The following KIF13B variants were observed in gnomAD, a reference collection of about 807,000 sequenced individuals.
KIF13B encodes kinesin-like protein KIF13B.
KIF13B carries 127 observed loss-of-function variants against 222.0 expected under a neutral mutation model. That is an observed-to-expected ratio of 0.57 (90% CI 0.50 to 0.66). KIF13B has a LOEUF of 0.66. Ranked by LOEUF, KIF13B falls within the 30% of genes least tolerant of loss-of-function variation. KIF13B has a pLI of 0.00. For synonymous variants in KIF13B, 976 were observed against 919.0 expected (o/e 1.06, Z -1.12); for missense variants, 2,173 against 2,379.0 (o/e 0.91, Z 1.80).
chr8:29,190,724 C>A (rs1813140713), intron 4 of KIF13B: 1 of 414,456 alleles, frequency 2.4e-6, no homozygotes, highest in Non-Finnish European at 4.5e-6. Context: ...TGGGACTGAG[C>A]CCTCAGTCTG....
At chr8:29,145,266 A>G (rs377250040) in intron 18 of KIF13B, among the ~76,000 whole-genome samples, 95 of 152,342 alleles carry the variant, frequency 6.2e-4, no homozygotes, top group African/African-American at 1.9e-3. Flanking sequence ...AAATACTAAG[A>G]ATCATATTTG....
chr8:29,222,827 G>A (rs1025747792), intron 2 of KIF13B, among the ~76,000 whole-genome samples: 2 of 152,100 alleles, frequency 1.3e-5, no homozygotes, highest in Admixed American at 1.3e-4. Context: ...AGAAGGGGTT[G>A]AGAAGACAAA....
rs192751250 is a variant in KIF13B, at chr8:29,180,320, G to A, written c.586-82C>T. ...ATCCTGCTATACTACAAAATTCATT[G>A]CAAGTTTTGCTACTTAGTCAACAAC... On this transcript the variant is annotated intron_variant, in intron 7 of 39. Coordinates refer to ENST00000524189, the MANE Select transcript of KIF13B (RefSeq NM_015254.4). The A allele has an allele frequency of 1.3e-4, 187 of 1,395,824 alleles. No homozygotes were observed. In the African/African-American group the frequency reaches 2.4e-3, roughly 18 times the overall value. 86.5% of individuals were successfully genotyped at this position (1,395,824 alleles called of 1,614,324 possible). A position where few individuals can be genotyped will look rare whatever the true frequency, so the allele number is the denominator to read the frequency against.
In KIF13B at chr8:29,140,050, A is replaced by C; in HGVS notation, c.2613+13T>G. ...TTGTATCAACGTAATACTAGGATGA[A>C]GCTGGGACTTACCATGCACACCAGT... On this transcript the variant is annotated intron_variant, in intron 21 of 39. Coordinates refer to ENST00000524189, the MANE Select transcript of KIF13B (RefSeq NM_015254.4). 6.4e-7 allele frequency: 1 copy of C among 1,567,644 alleles called. No homozygotes were observed. The highest frequency in any genetic ancestry group is 8.6e-7 in the Non-Finnish European group (1 of 1,156,814).
chr8:29,080,664 T>C (rs1260983826), intron 37 of KIF13B, among the ~76,000 whole-genome samples: 1 of 152,192 alleles, frequency 6.6e-6, no homozygotes, highest in Non-Finnish European at 1.5e-5. Flanking sequence ...ATTCTAACTT[T>C]TGTGTAAAAA....
intron 2 of KIF13B, among the ~76,000 whole-genome samples, chr8:29,207,468 A>G (rs1160591619): frequency 6.6e-6 from 1 of 152,070 alleles, no homozygotes; most frequent in Non-Finnish European, 1.5e-5. Flanking sequence ...GGTGCCTGAC[A>G]TCATCTGGTG....
chr8:29,239,990 T>G (rs1175237975), intron 2 of KIF13B, among the ~76,000 whole-genome samples: 1 of 147,042 alleles, frequency 6.8e-6, no homozygotes, highest in African/African-American at 2.5e-5. Flanking sequence ...CAAACCTGTA[T>G]GTGTACCCCT....
At chr8:29,244,406 C>T (rs1447091417) in intron 2 of KIF13B, among the ~76,000 whole-genome samples, 1 of 150,912 alleles carries the variant, frequency 6.6e-6, no homozygotes, top group African/African-American at 2.5e-5. Context: ...ATGAATCCTA[C>T]TTTGCACAAA....
intron 19 of KIF13B, among the ~76,000 whole-genome samples, chr8:29,141,332 T>TAA: frequency 7.1e-6 from 1 of 140,896 alleles, no homozygotes; most frequent in Non-Finnish European, 1.6e-5. Context: ...AGACTCCATC[T>TAA]AAAAAAAAAA....
At chr8:29,110,767 G>C (rs1164801889) in intron 32 of KIF13B, 1 of 152,234 alleles carries the variant, frequency 6.6e-6, no homozygotes, top group Non-Finnish European at 1.5e-5. Flanking sequence ...CAGTCAGAAA[G>C]AGGCTTTATT....
rs1191646236 is a variant in KIF13B at position 29,157,424 on chromosome 8, C to T, written c.1405-1568G>A. ...AAAAAAAAAAAAAAAAAATTGTGGC[C>T]AGGTGCGGTGGCTCATACCTGTGAT... On this transcript the variant is annotated intron_variant, in intron 13 of 39. Coordinates refer to ENST00000524189, the MANE Select transcript of KIF13B (RefSeq NM_015254.4). Among the ~76,000 whole-genome samples, 4 of 149,228 alleles carry T rather than the reference C, an allele frequency of 2.7e-5. No homozygotes were observed. In the East Asian group the frequency reaches 5.8e-4, roughly 22 times the overall value.
chr8:29,164,922 A>G (rs113604361), intron 12 of KIF13B, among the ~76,000 whole-genome samples: 8,617 of 150,538 alleles, frequency 0.057, 361 homozygotes, highest in South Asian at 0.079. Flanking sequence ...ATCTCAGTTC[A>G]CTCCAATCTC....
At chr8:29,090,995 G>A (rs773786552) in intron 37 of KIF13B, among the ~76,000 whole-genome samples, 4 of 152,176 alleles carry the variant, frequency 2.6e-5, no homozygotes, top group Admixed American at 2.0e-4. Flanking sequence ...TGGGGTTATA[G>A]GTGTGAGCCA....
chr8:29,076,571 C>T (rs952650701), intron 37 of KIF13B, among the ~76,000 whole-genome samples: 2 of 152,208 alleles, frequency 1.3e-5, no homozygotes, highest in Non-Finnish European at 2.9e-5. Flanking sequence ...TGGACTCCAG[C>T]TGTAGGGAGA....
intron 10 of KIF13B, among the ~76,000 whole-genome samples, chr8:29,174,552 T>C (rs189845048): frequency 2.0e-5 from 3 of 152,354 alleles, no homozygotes; most frequent in Admixed American, 2.0e-4. Context: ...GTTAGAATTG[T>C]CTTTATGGTG....
At chr8:29,220,347 A>C (rs1814687238) in intron 2 of KIF13B, among the ~76,000 whole-genome samples, 1 of 152,170 alleles carries the variant, frequency 6.6e-6, no homozygotes, top group South Asian at 2.1e-4. Flanking sequence ...TGGAAATTTA[A>C]AGCAGGTCTT....
At position 29,147,521 on chromosome 8, in the gene KIF13B, A is replaced by G. The variant is rs1211964013; in HGVS notation, c.1895T>C (p.Met632Thr). 1.2e-6 allele frequency: 2 copies of G among 1,613,876 alleles called. No homozygotes were observed. The part of the protein sequence containing the change: ...KRSALERQRL[M>T]YEHELEQLRR... ...GAGCTGCTCCAATTCGTGCTCATAC[A>G]TAAGCCTCTGGCGCTCCAGTGCAGA... Residue 632 changes from methionine (M) to threonine (T), a missense_variant, in exon 17 of 40, where the codon ATG becomes ACG. By Grantham distance (81) the Met-to-Thr change is moderately conservative. Coordinates refer to ENST00000524189, the MANE Select transcript of KIF13B (RefSeq NM_015254.4).
chr8:29,096,293 CTTTTTTTTTTTTTTTTTT>C (rs61008499), intron 36 of KIF13B, among the ~76,000 whole-genome samples: 2 of 76,692 alleles, frequency 2.6e-5, no homozygotes, highest in African/African-American at 8.4e-5. Flanking sequence ...CCAAGCTTTT[CTTTTTTTTTTTTTTTTTT>C]TTTTTTGAGA....
At chr8:29,262,513 C>A (rs1355992938) in intron 1 of KIF13B, among the ~76,000 whole-genome samples, 1 of 152,024 alleles carries the variant, frequency 6.6e-6, no homozygotes, top group African/African-American at 2.4e-5. Flanking sequence ...CTTGGGCGAC[C>A]CGGGCGAGAC....
Sources: allele counts gnomAD v4.1 joint callset (sites outside exome capture counted in the v4.1 genomes callset), GRCh38; gene constraint gnomAD v4.1.1; transcripts MANE v1.5; gene names NCBI Gene and HGNC (gene_info 2026-07-23, HGNC 2026-07-21).